Variants in CDKN2B-AS1 observed in about 807,000 individuals in gnomAD.
CDKN2B-AS1 encodes CDKN2B and CDKN2A antisense cis and trans regulatory RNA 1.
intron 1 of CDKN2B-AS1, chr9:22,012,067 TTGTC>T: frequency 1.6e-6 from 1 of 606,118 alleles, no homozygotes; most frequent in Middle Eastern, 4.6e-4. Flanking sequence ...GTTGGTGAAA[TTGTC>T]TGTATATGAC....
intron 4 of CDKN2B-AS1, among the ~76,000 whole-genome samples, chr9:22,097,879 A>T (rs1825338967): frequency 1.3e-5 from 2 of 152,198 alleles, no homozygotes. Context: ...TAAAAGGCAA[A>T]CTTGGTTTTT....
At chr9:22,113,026 G>GT (rs1385921452) in intron 4 of CDKN2B-AS1, among the ~76,000 whole-genome samples, 1 of 152,144 alleles carries the variant, frequency 6.6e-6, no homozygotes, top group East Asian at 1.9e-4. Context: ...GAAAACTGAC[G>GT]TATTAGTTTT....
intron 4 of CDKN2B-AS1, among the ~76,000 whole-genome samples, chr9:22,070,882 A>T (rs1824259075): frequency 6.6e-6 from 1 of 152,138 alleles, no homozygotes; most frequent in African/African-American, 2.4e-5. Flanking sequence ...ATAGTTATTG[A>T]TTTTGCCTGA....
intron 4 of CDKN2B-AS1, among the ~76,000 whole-genome samples, chr9:22,085,483 G>A (rs1447685660): frequency 2.0e-5 from 3 of 152,180 alleles, no homozygotes; most frequent in African/African-American, 4.8e-5. Flanking sequence ...CACTTTGGGA[G>A]GCTGAGGCGG....
At chr9:22,049,834 A>T (rs1424864985) in intron 3 of CDKN2B-AS1, among the ~76,000 whole-genome samples, 1 of 152,236 alleles carries the variant, frequency 6.6e-6, no homozygotes, top group Admixed American at 6.5e-5. Context: ...CGTTTCATAG[A>T]TTGGCCAGCA....
chr9:22,002,911 A>T (rs773996947), intron 1 of CDKN2B-AS1: 5 of 185,000 alleles, frequency 2.7e-5, no homozygotes, highest in African/African-American at 1.2e-4. Flanking sequence ...AATGTTATTA[A>T]ATTTATAAAT....
At chr9:22,053,617 C>T (rs951983517) in intron 3 of CDKN2B-AS1, among the ~76,000 whole-genome samples, 1 of 152,190 alleles carries the variant, frequency 6.6e-6, no homozygotes, top group African/African-American at 2.4e-5. Context: ...TTCCAGATGA[C>T]TTCTTTCTAC....
At chr9:22,067,018 A>G (rs1276548331) in intron 4 of CDKN2B-AS1, among the ~76,000 whole-genome samples, 1 of 152,130 alleles carries the variant, frequency 6.6e-6, no homozygotes, top group Non-Finnish European at 1.5e-5. Context: ...GAACAATGAG[A>G]ACACTTGGAC....
chr9:22,107,086 G>A (rs931306704), intron 4 of CDKN2B-AS1, among the ~76,000 whole-genome samples: 1 of 152,206 alleles, frequency 6.6e-6, no homozygotes, highest in African/African-American at 2.4e-5. Flanking sequence ...TCTTTAGAAG[G>A]CAGTATGGAG....
At chr9:22,021,995 T>G (rs1822036078) in intron 1 of CDKN2B-AS1, among the ~76,000 whole-genome samples, 1 of 152,226 alleles carries the variant, frequency 6.6e-6, no homozygotes, top group African/African-American at 2.4e-5. Flanking sequence ...TCATCTCTAA[T>G]TTAATTGTGC....
rs868206151 is a variant in CDKN2B-AS1, at chr9:22,093,832, T to G, written n.439-33271T>G. 1.4e-5 allele frequency among the ~76,000 whole-genome samples: 2 copies of G among 144,204 alleles called. 1 individual carries two copies. The highest frequency in any genetic ancestry group is 5.8e-5 in the African/African-American group (2 of 34,482). The allele number at this position is 144,204 out of a possible 152,430, so 94.6% of individuals were successfully genotyped here. A position where few individuals can be genotyped will look rare whatever the true frequency, so the allele number is the denominator to read the frequency against. On this transcript the variant is annotated intron_variant and non_coding_transcript_variant, in intron 4 of 4. Transcript: ENST00000650946. ...AGCCCATTTACATTTAAGGTTAATA[T>G]GTTATGTGTGAATTTGATCCTGTCA...
At chr9:22,076,410 C>G (rs538626186) in intron 4 of CDKN2B-AS1, among the ~76,000 whole-genome samples, 1 of 152,248 alleles carries the variant, frequency 6.6e-6, no homozygotes, top group African/African-American at 2.4e-5. Flanking sequence ...TAGCAAAGAA[C>G]AGGGTTGTCT....
rs1372208936 is a variant in CDKN2B-AS1 at position 22,039,388 on chromosome 9, G to A, written n.30-7363G>A. ...TTTCGCTCTTGTCCTTCACCTTCCT[G>A]TGGCAACAAGAGTCAATTCTCCATA... On this transcript the variant is annotated intron_variant and non_coding_transcript_variant, in intron 1 of 4. Transcript: ENST00000650946. The surrounding 1 kb of genome is among the most constrained non-coding windows in gnomAD (Gnocchi z 4.4). Among the ~76,000 whole-genome samples the A allele has an allele frequency of 1.3e-5, 2 of 151,866 alleles. No homozygotes were observed. The highest frequency in any genetic ancestry group is 2.4e-5 in the African/African-American group (1 of 41,360).
chr9:22,106,401 G>A lies in CDKN2B-AS1; in HGVS notation n.439-20702G>A, dbSNP rs72652500. Among the ~76,000 whole-genome samples the A allele has an allele frequency of 2.9e-3, 447 of 152,206 alleles. 2 individuals are homozygous for A. The highest frequency in any genetic ancestry group is 5.2e-3 in the Non-Finnish European group (353 of 68,020). On this transcript the variant is annotated intron_variant and non_coding_transcript_variant, in intron 4 of 4. Transcript: ENST00000650946. Reference sequence around the variant, plus strand: ...CGGCCTAATTTTTGTATTTTTAGTAGAGACAGGATTACACCATGTTGACCA... The same window carrying A: ...CGGCCTAATTTTTGTATTTTTAGTAAAGACAGGATTACACCATGTTGACCA...
At chr9:22,023,933 T>C (rs1822118254) in intron 1 of CDKN2B-AS1, among the ~76,000 whole-genome samples, 1 of 152,236 alleles carries the variant, frequency 6.6e-6, no homozygotes, top group Non-Finnish European at 1.5e-5. Context: ...ATTCTGCTTC[T>C]ATCATTTCAG....
chr9:22,078,966 A>C (rs2131326820), intron 4 of CDKN2B-AS1, among the ~76,000 whole-genome samples: 1 of 152,330 alleles, frequency 6.6e-6, no homozygotes, highest in South Asian at 2.1e-4. Flanking sequence ...TTTGGATCCC[A>C]CAGAGAACTG....
At chr9:22,109,894 C>G (rs1266346094) in intron 4 of CDKN2B-AS1, among the ~76,000 whole-genome samples, 1 of 152,106 alleles carries the variant, frequency 6.6e-6, no homozygotes, top group Non-Finnish European at 1.5e-5. Flanking sequence ...AATGACCTCC[C>G]ATCTTTCCTT....
chr9:22,114,692 C>T (rs192450904), intron 4 of CDKN2B-AS1, among the ~76,000 whole-genome samples: 2 of 152,308 alleles, frequency 1.3e-5, no homozygotes, highest in East Asian at 3.9e-4. Context: ...AAAGCATGGA[C>T]TCAGTACAAA....
At chr9:22,043,324 A>G (rs1822976292) in intron 1 of CDKN2B-AS1, among the ~76,000 whole-genome samples, 1 of 152,016 alleles carries the variant, frequency 6.6e-6, no homozygotes, top group Non-Finnish European at 1.5e-5. Context: ...TAAGAAACAT[A>G]TGATGTTGAA....
Sources: allele counts gnomAD v4.1 joint callset (sites outside exome capture counted in the v4.1 genomes callset), GRCh38; gene constraint gnomAD v4.1.1; non-coding constraint Gnocchi (gnomAD v3.1); transcripts MANE v1.5; gene names NCBI Gene and HGNC (gene_info 2026-07-23, HGNC 2026-07-21).